Variants in MRPS15 observed in about 807,000 individuals in gnomAD.
MRPS15 encodes the protein mitochondrial ribosomal protein S15.
Under a neutral mutation model 30.7 loss-of-function variants are expected in MRPS15, and 25 were observed. The observed-to-expected ratio is 0.81, with a 90% CI of 0.59 to 1.14. The LOEUF (loss-of-function observed/expected upper bound fraction) is 1.14, where lower values mean the gene tolerates loss of function less well. MRPS15 is among the 50% of genes most tolerant of loss of function. The pLI is 0.00. For missense variants in MRPS15, 313 were observed against 321.7 expected (o/e 0.97, Z 0.21); for synonymous variants, 124 against 120.1 (o/e 1.03, Z -0.21).
chr1:36,456,108 A>G, intron 7 of MRPS15, 79 bp downstream of exon 7: 1 of 1,523,360 alleles, frequency 6.6e-7, no homozygotes, highest in Non-Finnish European at 8.8e-7. Flanking sequence ...CTCTAACAGA[A>G]ACAGATGATC....
chr1:36,459,007 G>C (rs899274123), intron 5 of MRPS15: 1 of 152,230 alleles, frequency 6.6e-6, no homozygotes, highest in Non-Finnish European at 1.5e-5. Context: ...AACACAGAAA[G>C]ATAGGCCTTG....
At position 36,456,311 on chromosome 1, in the gene MRPS15, C is replaced by T. The variant is rs80215530; in HGVS notation, c.512G>A (p.Arg171His). Reference protein sequence around the residue: ...DQRKKMLKNLRNTNYDVFEKI... With the variant: ...DQRKKMLKNLHNTNYDVFEKI... ...CTCAAAGACATCATAGTTGGTGTTA[C>T]GGAGGTTTTTGAGCATCTTTTTCCT... The change falls in exon 7 of 8, where the codon CGT becomes CAT. Residue 171 changes from arginine (R) to histidine (H), a missense_variant. Physicochemically the swap from Arg to His is conservative, Grantham distance 29. Coordinates refer to ENST00000373116, the MANE Select transcript of MRPS15 (RefSeq NM_031280.4). 20 of 1,614,034 alleles carry T rather than the reference C, an allele frequency of 1.2e-5. No individual in the cohort carries two copies. The African/African-American group carries it at 1.7e-4, about 14-fold the overall frequency.
intron 3 of MRPS15, among the ~76,000 whole-genome samples, chr1:36,461,816 C>G (rs1484563705): frequency 6.6e-6 from 1 of 152,088 alleles, no homozygotes; most frequent in Non-Finnish European, 1.5e-5. Flanking sequence ...GAGATTTCTA[C>G]AAAGACCTGT....
chr1:36,464,379 C>G lies in MRPS15; in HGVS notation c.-104G>C. On this transcript the variant is annotated 5_prime_UTR_variant, in exon 1 of 8. Transcript: ENST00000373116. ...CCATGCTGGCCCAGGATCGACCAAT[C>G]GAGGCAGTTGCAATACCGGAGCAGA... The G allele has an allele frequency of 6.9e-7, 1 of 1,455,458 alleles. No homozygotes were observed. Among genetic ancestry groups the G allele is most frequent in the Non-Finnish European group, 9.2e-7 (1 of 1,090,284 alleles). The allele number at this position is 1,455,458 out of a possible 1,614,324, so 90.2% of individuals were successfully genotyped here.
At position 36,460,695 on chromosome 1, in the gene MRPS15, G is replaced by A. The variant is rs746015499; in HGVS notation, c.382C>T (p.Arg128Ter). The A allele has an allele frequency of 5.0e-6, 8 of 1,613,638 alleles. No homozygotes were observed. Among genetic ancestry groups the A allele is most frequent in the African/African-American group, 2.7e-5 (2 of 74,900 alleles). ...NPEDTRSLEA[R>*]IIALSVKIRS... Reference sequence around the variant, plus strand: ...TCCCCAAGGGTCCCCGACCAACTTCGAGCCTCCAGGGATCTGGTGTCCTCT... The same window carrying A: ...TCCCCAAGGGTCCCCGACCAACTTCAAGCCTCCAGGGATCTGGTGTCCTCT... The change falls in exon 5 of 8, where the codon CGA becomes TGA. Residue 128 changes from arginine to a stop codon, truncating the protein, a stop_gained. Transcript: ENST00000373116. LOFTEE classifies it high-confidence loss of function.
chr1:36,459,517 C>G (rs1400367658), intron 5 of MRPS15: 4 of 151,994 alleles, frequency 2.6e-5, no homozygotes, highest in African/African-American at 7.3e-5. Flanking sequence ...AGTGATAATG[C>G]AGAAACAGGT....
In MRPS15 at chr1:36,456,328, C is replaced by G; in HGVS notation, c.495G>C (p.Lys165Asn). The G allele has an allele frequency of 6.2e-7, 1 of 1,614,160 alleles. No individual in the cohort carries two copies. Among genetic ancestry groups the G allele is most frequent in the Non-Finnish European group, 8.5e-7 (1 of 1,180,014 alleles). Reference protein sequence around the residue: ...YLLMSIDQRKKMLKNLRNTNY... With the variant: ...YLLMSIDQRKNMLKNLRNTNY... ...TGGTGTTACGGAGGTTTTTGAGCATCTTTTTCCTCTGGTCAATGCTCATTA... is the reference window on the plus strand; with the variant it reads ...TGGTGTTACGGAGGTTTTTGAGCATGTTTTTCCTCTGGTCAATGCTCATTA... Residue 165 changes from lysine (K) to asparagine (N), a missense_variant, in exon 7 of 8, where the codon AAG becomes AAC. Transcript: ENST00000373116.
Position 36,458,159 on chromosome 1 carries a change from C to T in MRPS15, c.386-178G>A. 1.8e-6 allele frequency: 1 copy of T among 548,788 alleles called. No individual in the cohort carries two copies. The highest frequency in any genetic ancestry group is 2.7e-5 in the South Asian group (1 of 37,484). 34.0% of individuals were successfully genotyped at this position (548,788 alleles called of 1,614,324 possible). ...AAGGCTTATCTTAGACATTACCTTC[C>T]CTTAAAAAGCAAAATCCAAGGAAGG... On this transcript the variant is annotated intron_variant, in intron 5 of 7. Transcript: ENST00000373116. The surrounding 1 kb of genome is among the most constrained non-coding windows in gnomAD (Gnocchi z 4.5).
In MRPS15 at chr1:36,464,177, A is replaced by G. The variant is rs756001770; in HGVS notation, c.99T>C (p.Phe33=). ...GCTGCAGGCCCCACTGGTTGAAAGG[A>G]AACTTGGCGCTCCCACCGCCCGGCA... The part of the protein sequence containing the change: ...PGLPGGGSAK[F]PFNQWGLQPR... Residue 33 remains phenylalanine (F), a synonymous_variant, in exon 1 of 8, where the codon TTT becomes TTC. Coordinates refer to ENST00000373116, the MANE Select transcript of MRPS15 (RefSeq NM_031280.4). 9.3e-6 allele frequency: 15 copies of G among 1,613,792 alleles called. 1 individual carries two copies. The Admixed American group carries it at 2.5e-4, about 27-fold the overall frequency.
intron 6 of MRPS15, 30 bp from the exon 7 acceptor site, chr1:36,456,408 T>C: frequency 1.3e-6 from 2 of 1,541,886 alleles, no homozygotes; most frequent in Non-Finnish European, 1.8e-6. Flanking sequence ...CTTTTAGTAT[T>C]ATATAAGTGT....
In MRPS15 at chr1:36,463,807, T is replaced by C; in HGVS notation, c.174A>G (p.Pro58=). The C allele has an allele frequency of 1.2e-6, 2 of 1,612,526 alleles. No individual in the cohort carries two copies. Among genetic ancestry groups the C allele is most frequent in the Non-Finnish European group, 1.7e-6 (2 of 1,179,098 alleles). The part of the protein sequence containing the change: ...QAARGYVVRK[P]AQSRLDDDPP... ...AAGTCCCACCTTAGGAACTCCTACCTGGTTTCCGGACGACATATCCGCGCG... is the reference window on the plus strand; with the variant it reads ...AAGTCCCACCTTAGGAACTCCTACCCGGTTTCCGGACGACATATCCGCGCG... The change falls in exon 2 of 8, where the codon CCA becomes CCG. Residue 58 remains proline, a splice_region_variant and synonymous_variant. Transcript: ENST00000373116.
intron 6 of MRPS15, 107 bp from the exon 7 acceptor site, chr1:36,456,485 T>A (rs184151644): frequency 1.9e-6 from 2 of 1,070,206 alleles, no homozygotes; most frequent in South Asian, 1.8e-5. Context: ...AGTAATCTTA[T>A]GCAAATATTA....
chr1:36,457,288 A>T (rs71651919), intron 6 of MRPS15, among the ~76,000 whole-genome samples: 8,619 of 148,372 alleles, frequency 0.058, 340 homozygotes, highest in East Asian at 0.18. Flanking sequence ...AAAAAAAAAA[A>T]AAATATATAT....
intron 2 of MRPS15, 23 bp downstream of exon 2, chr1:36,463,783 A>C: frequency 6.2e-7 from 1 of 1,607,852 alleles, no homozygotes; most frequent in Non-Finnish European, 8.5e-7. Flanking sequence ...TTCCGCCCCA[A>C]GTCCCACCTT....
intron 1 of MRPS15, 109 bp from the exon 2 acceptor site, chr1:36,463,959 C>G (rs1650153750): frequency 1.3e-6 from 2 of 1,516,168 alleles, no homozygotes; most frequent in South Asian, 2.5e-5. Flanking sequence ...CGCTTCTGAA[C>G]CTAACCGCTG....
intron 3 of MRPS15, among the ~76,000 whole-genome samples, chr1:36,461,802 A>G (rs1369697539): frequency 6.6e-6 from 1 of 152,164 alleles, no homozygotes; most frequent in Admixed American, 6.5e-5. Flanking sequence ...GGAACAAGAG[A>G]TGAGAGATTT....
In MRPS15 at chr1:36,455,931, G is replaced by C. The variant is rs369207821; in HGVS notation, c.637-6C>G. ...TTTTGAGTCTCCTGGAAAACCTGGGGATGAAAAGGGGCAGAAAAAGACCTT... is the reference window on the plus strand; with the variant it reads ...TTTTGAGTCTCCTGGAAAACCTGGGCATGAAAAGGGGCAGAAAAAGACCTT... On this transcript the variant is annotated splice_region_variant and splice_polypyrimidine_tract_variant and intron_variant, in intron 7 of 7. Transcript: ENST00000373116. 2 of 1,612,098 alleles carry C rather than the reference G, an allele frequency of 1.2e-6. No individual in the cohort carries two copies. Among genetic ancestry groups the C allele is most frequent in the Non-Finnish European group, 1.7e-6 (2 of 1,179,632 alleles).
In MRPS15 at chr1:36,464,369, A is replaced by G. The variant is rs540980391; in HGVS notation, c.-94T>C. 4 of 1,490,060 alleles carry G rather than the reference A, an allele frequency of 2.7e-6. No homozygotes were observed. Among genetic ancestry groups the G allele is most frequent in the Non-Finnish European group, 3.6e-6 (4 of 1,114,034 alleles). 92.3% of individuals were successfully genotyped at this position (1,490,060 alleles called of 1,614,324 possible). A position where few individuals can be genotyped will look rare whatever the true frequency, so the allele number is the denominator to read the frequency against. ...ATGGGCGCCGCCATGCTGGCCCAGGATCGACCAATCGAGGCAGTTGCAATA... is the reference window on the plus strand; with the variant it reads ...ATGGGCGCCGCCATGCTGGCCCAGGGTCGACCAATCGAGGCAGTTGCAATA... On this transcript the variant is annotated 5_prime_UTR_variant, in exon 1 of 8. Coordinates refer to ENST00000373116, the MANE Select transcript of MRPS15 (RefSeq NM_031280.4).
At chr1:36,460,843 C>T (rs377356081) in intron 4 of MRPS15, 67 bp from the exon 5 acceptor site, 5 of 1,328,398 alleles carry the variant, frequency 3.8e-6, no homozygotes, top group Admixed American at 1.7e-5. Context: ...CCCTCCTCCC[C>T]CCAAGGGCCC....
Sources: allele counts gnomAD v4.1 joint callset (sites outside exome capture counted in the v4.1 genomes callset), GRCh38; gene constraint gnomAD v4.1.1; non-coding constraint Gnocchi (gnomAD v3.1); transcripts MANE v1.5; gene names NCBI Gene and HGNC (gene_info 2026-07-23, HGNC 2026-07-21).